The following PRKCA variants were observed in gnomAD, a reference collection of about 807,000 sequenced individuals.
The protein encoded by PRKCA is protein kinase C alpha type.
A neutral mutation model predicts 87.0 loss-of-function variants in PRKCA; 27 were observed. The ratio of observed to expected loss-of-function variants is 0.31; its 90% CI spans 0.23 to 0.43. The LOEUF is 0.43. Ranked by LOEUF, PRKCA falls within the 20% of genes least tolerant of loss-of-function variation. The pLI is 1.00. For missense variants in PRKCA, 518 were observed against 852.3 expected (o/e 0.61, Z 4.88); for synonymous variants, 329 against 311.1 (o/e 1.06, Z -0.61).
intron 5 of PRKCA, among the ~76,000 whole-genome samples, chr17:66,647,187 G>A (rs886293786): frequency 2.0e-4 from 30 of 152,132 alleles, no homozygotes; most frequent in Middle Eastern, 3.2e-3. Context: ...CTTCCACATT[G>A]TCAAAACCAT....
intron 4 of PRKCA, among the ~76,000 whole-genome samples, chr17:66,644,892 A>T (rs927103557): frequency 3.3e-5 from 5 of 152,074 alleles, no homozygotes; most frequent in Non-Finnish European, 7.4e-5. Flanking sequence ...TAGGAGGCCT[A>T]GGTGGGAGGA....
chr17:66,480,087 G>T (rs1915712996), intron 2 of PRKCA, among the ~76,000 whole-genome samples: 1 of 151,224 alleles, frequency 6.6e-6, no homozygotes, highest in Non-Finnish European at 1.5e-5. Context: ...ATATTTTCTG[G>T]CATGCAGTTT....
chr17:66,462,638 G>T (rs534507790), intron 2 of PRKCA, among the ~76,000 whole-genome samples: 37 of 152,082 alleles, frequency 2.4e-4, no homozygotes, highest in Middle Eastern at 3.4e-3. Flanking sequence ...TCCATTTTAG[G>T]ATACTTTTTT....
intron 8 of PRKCA, among the ~76,000 whole-genome samples, chr17:66,731,775 CTTTTTTTTTTTTTTTTTT>C (rs796884841): frequency 1.4e-5 from 1 of 71,420 alleles, no homozygotes; most frequent in Non-Finnish European, 2.6e-5. Context: ...TGCTCCCTTT[CTTTTTTTTTTTTTTTTTT>C]TTTTTTTTTG....
chr17:66,759,058 T>G (rs1033159996), intron 13 of PRKCA, among the ~76,000 whole-genome samples: 1 of 152,142 alleles, frequency 6.6e-6, no homozygotes, highest in Non-Finnish European at 1.5e-5. Flanking sequence ...ACAGTGTTAT[T>G]TGAAAGTAGA....
intron 3 of PRKCA, among the ~76,000 whole-genome samples, chr17:66,546,801 G>A (rs1330785629): frequency 2.0e-5 from 3 of 152,060 alleles, no homozygotes; most frequent in Non-Finnish European, 4.4e-5. Context: ...TTACCTCTTC[G>A]TGTTTTGTTT....
chr17:66,774,822 C>T, intron 14 of PRKCA: 2 of 985,420 alleles, frequency 2.0e-6, no homozygotes, highest in Non-Finnish European at 2.4e-6. Flanking sequence ...TCCCCATCTC[C>T]TCCTATCTCA....
At chr17:66,736,902 C>A (rs1974043827) in intron 10 of PRKCA, among the ~76,000 whole-genome samples, 4 of 152,218 alleles carry the variant, frequency 2.6e-5, no homozygotes, top group Non-Finnish European at 5.9e-5. Flanking sequence ...TGAGTTGCTG[C>A]AAGAGACACT....
At chr17:66,457,203 A>G (rs1261991519) in intron 2 of PRKCA, among the ~76,000 whole-genome samples, 1 of 152,152 alleles carries the variant, frequency 6.6e-6, no homozygotes, top group Non-Finnish European at 1.5e-5. Flanking sequence ...TGTTTGTCCA[A>G]GAGAACTTAA....
chr17:66,448,631 GT>G (rs1914155654), intron 2 of PRKCA, among the ~76,000 whole-genome samples: 1 of 152,090 alleles, frequency 6.6e-6, no homozygotes, highest in African/African-American at 2.4e-5. Flanking sequence ...CATAATTCAC[GT>G]TATAAGGAAA....
At chr17:66,570,412 A>C (rs1969042973) in intron 3 of PRKCA, among the ~76,000 whole-genome samples, 2 of 152,234 alleles carry the variant, frequency 1.3e-5, no homozygotes, top group Admixed American at 1.3e-4. Flanking sequence ...TGCCTTCAGT[A>C]TGTACAGCTA....
At chr17:66,753,863 G>A (rs75811035) in intron 13 of PRKCA, among the ~76,000 whole-genome samples, 9,330 of 152,134 alleles carry the variant, frequency 0.061, 442 homozygotes, top group Non-Finnish European at 0.095. Context: ...CCACCTGCTG[G>A]CACCTTCATC....
chr17:66,732,460 A>G (rs549630442), intron 8 of PRKCA, among the ~76,000 whole-genome samples: 62 of 152,192 alleles, frequency 4.1e-4, no homozygotes, highest in Non-Finnish European at 1.6e-4. Context: ...CTGTGTAAAG[A>G]GTTGTCTCTT....
At chr17:66,352,543 G>A (rs1907803883) in intron 2 of PRKCA, among the ~76,000 whole-genome samples, 1 of 144,060 alleles carries the variant, frequency 6.9e-6, no homozygotes, top group South Asian at 2.3e-4. Context: ...TCTTGAATTT[G>A]TGGTGTTTTT....
intron 2 of PRKCA, among the ~76,000 whole-genome samples, chr17:66,460,869 AC>A (rs1445259613): frequency 6.6e-6 from 1 of 152,162 alleles, no homozygotes; most frequent in Non-Finnish European, 1.5e-5. Flanking sequence ...ATGTGGAGCC[AC>A]CTTCTCTGAG....
chr17:66,518,652 T>C (rs1385813919), intron 3 of PRKCA, among the ~76,000 whole-genome samples: 2 of 152,160 alleles, frequency 1.3e-5, no homozygotes, highest in African/African-American at 4.8e-5. Flanking sequence ...GTGTTCTGAA[T>C]CGGTCCCTAT....
chr17:66,530,928 T>G (rs538952726), intron 3 of PRKCA, among the ~76,000 whole-genome samples: 2 of 152,306 alleles, frequency 1.3e-5, no homozygotes, highest in African/African-American at 4.8e-5. Context: ...CCTCCTTCTC[T>G]TATACCCTGG....
At chr17:66,605,569 A>G (rs1482222823) in intron 3 of PRKCA, among the ~76,000 whole-genome samples, 1 of 152,250 alleles carries the variant, frequency 6.6e-6, no homozygotes, top group East Asian at 1.9e-4. Flanking sequence ...TAAAGTTGCC[A>G]TAAGACCCAA....
At chr17:66,644,929 G>T (rs1164189391) in intron 4 of PRKCA, among the ~76,000 whole-genome samples, 1 of 151,714 alleles carries the variant, frequency 6.6e-6, no homozygotes, top group African/African-American at 2.4e-5. Flanking sequence ...GTTCAAGGCT[G>T]CAGTGAGCTA....
Sources: allele counts gnomAD v4.1 joint callset (sites outside exome capture counted in the v4.1 genomes callset), GRCh38; gene constraint gnomAD v4.1.1; transcripts MANE v1.5; gene names NCBI Gene and HGNC (gene_info 2026-07-23, HGNC 2026-07-21).